The following NRXN3 variants were observed in gnomAD, a reference collection of about 807,000 sequenced individuals.
NRXN3 encodes neurexin 3.
Under a neutral mutation model 137.6 loss-of-function variants are expected in NRXN3, and 32 were observed. That is an observed-to-expected ratio of 0.23 (90% CI 0.18 to 0.31). The LOEUF is 0.31. NRXN3 is among the 10% of genes least tolerant of loss of function. The pLI is 1.00. For synonymous variants in NRXN3, 798 were observed against 784.5 expected, an observed-to-expected ratio of 1.02 and a Z score of -0.29; for missense variants, 1,574 against 2,062.5, an observed-to-expected ratio of 0.76 and a Z score of 4.59.
chr14:78,520,533 A>G (rs2096270564), intron 4 of NRXN3, among the ~76,000 whole-genome samples: 1 of 152,190 alleles, frequency 6.6e-6, no homozygotes, highest in African/African-American at 2.4e-5. Context: ...GAGGACTCAG[A>G]TAAAGTTGGT....
At position 78,642,989 on chromosome 14, in the gene NRXN3, T is replaced by C. The variant is rs75927914; in HGVS notation, c.758-2131T>C. 1.0e-2 allele frequency among the ~76,000 whole-genome samples: 1,518 copies of C among 152,340 alleles called. 29 individuals are homozygous for C. Among genetic ancestry groups the C allele is most frequent in the African/African-American group, 0.035 (1,458 of 41,566 alleles). On this transcript the variant is annotated intron_variant, in intron 4 of 20. Transcript: ENST00000335750. ...ACCAATGTGTGTGCAAGCAGACATA[T>C]GCAGGTAGATACATATGACTGGGCT...
At chr14:78,942,878 A>G (rs575803995) in intron 10 of NRXN3, among the ~76,000 whole-genome samples, 1 of 152,144 alleles carries the variant, frequency 6.6e-6, no homozygotes, top group Non-Finnish European at 1.5e-5. Context: ...GTACCCTGTA[A>G]AAATGTACAA....
At chr14:78,864,539 A>G (rs1043053220) in intron 10 of NRXN3, among the ~76,000 whole-genome samples, 1 of 152,190 alleles carries the variant, frequency 6.6e-6, no homozygotes, top group Non-Finnish European at 1.5e-5. Context: ...TACTCTGGTC[A>G]TTATGAGTAC....
chr14:78,726,515 C>CT (rs71452901), intron 8 of NRXN3, among the ~76,000 whole-genome samples: 5,925 of 102,434 alleles, frequency 0.058, 581 homozygotes, highest in East Asian at 0.31. Context: ...ACCATTTTAG[C>CT]TTTTTTTTTT....
Position 79,772,710 on chromosome 14 carries a change from G to A in NRXN3, c.4015-32402G>A, listed in dbSNP as rs200547592. ...CCTAGGCATTACCATTCAGGACATA[G>A]GCATGGGCAAGGACTTCATGTCTAA... On this transcript the variant is annotated intron_variant, in intron 19 of 20. Coordinates refer to ENST00000335750, the MANE Select transcript of NRXN3 (RefSeq NM_001330195.2). Among the ~76,000 whole-genome samples the A allele has an allele frequency of 2.3e-3, 345 of 152,204 alleles. 4 individuals carry two copies. In the East Asian group the frequency reaches 0.055, roughly 24 times the overall value.
At chr14:78,488,660 G>T (rs2095608210) in intron 4 of NRXN3, among the ~76,000 whole-genome samples, 1 of 151,816 alleles carries the variant, frequency 6.6e-6, no homozygotes, top group Non-Finnish European at 1.5e-5. Context: ...TTTCATGTTT[G>T]TTGGAGGAAA....
At chr14:79,486,656 A>G (rs2096658132) in intron 16 of NRXN3, among the ~76,000 whole-genome samples, 1 of 152,158 alleles carries the variant, frequency 6.6e-6, no homozygotes, top group Admixed American at 6.5e-5. Flanking sequence ...TTACCTACCT[A>G]TGGTTACAGA....
At chr14:78,338,708 C>G (rs1406446658) in intron 4 of NRXN3, among the ~76,000 whole-genome samples, 1 of 152,184 alleles carries the variant, frequency 6.6e-6, no homozygotes, top group African/African-American at 2.4e-5. Flanking sequence ...TTTCGTGATT[C>G]AGTGGGTTGA....
chr14:78,893,356 G>A (rs1436301602), intron 10 of NRXN3, among the ~76,000 whole-genome samples: 1 of 151,916 alleles, frequency 6.6e-6, no homozygotes, highest in African/African-American at 2.4e-5. Context: ...CTTTGGTTCA[G>A]CCAGCTTGTT....
At chr14:78,182,779 T>G (rs1294587339) in intron 1 of NRXN3, among the ~76,000 whole-genome samples, 3 of 152,174 alleles carry the variant, frequency 2.0e-5, no homozygotes, top group African/African-American at 7.2e-5. Flanking sequence ...CCTATCAAAA[T>G]TATCTCACCA....
At chr14:78,834,122 G>A (rs2098989721) in intron 10 of NRXN3, among the ~76,000 whole-genome samples, 2 of 152,236 alleles carry the variant, frequency 1.3e-5, no homozygotes, top group South Asian at 4.1e-4. Flanking sequence ...GGTGGTGGTG[G>A]GAAAAGATGC....
chr14:79,466,415 G>A lies in NRXN3; in HGVS notation c.3263-806G>A, dbSNP rs148140790. 9.0e-3 allele frequency among the ~76,000 whole-genome samples: 1,370 copies of A among 152,110 alleles called. 30 individuals are homozygous for A. The East Asian group carries it at 0.095, about 11-fold the overall frequency. On this transcript the variant is annotated intron_variant, in intron 15 of 20. Transcript: ENST00000335750. ...ATTCTGGCTAACATGGTGAAACTCC[G>A]TCTCTACTAAAAATACAAAAAAATT... is the stretch of plus-strand genomic sequence containing the variant.
intron 15 of NRXN3, among the ~76,000 whole-genome samples, chr14:79,061,334 C>T (rs2152662967): frequency 6.6e-6 from 1 of 152,202 alleles, no homozygotes; most frequent in Non-Finnish European, 1.5e-5. Context: ...CTATCTGATA[C>T]AGAGATCTGA....
chr14:79,210,691 CCTGACTT>C (rs2067517196), intron 15 of NRXN3, among the ~76,000 whole-genome samples: 1 of 152,118 alleles, frequency 6.6e-6, no homozygotes, highest in Non-Finnish European at 1.5e-5. Flanking sequence ...AATAAACGTT[CCTGACTT>C]CTGCATATTT....
intron 16 of NRXN3, among the ~76,000 whole-genome samples, chr14:79,492,155 G>A (rs1257312229): frequency 6.6e-6 from 1 of 152,106 alleles, no homozygotes; most frequent in African/African-American, 2.4e-5. Flanking sequence ...CAACTCTTGA[G>A]TTAGTGGATA....
intron 10 of NRXN3, among the ~76,000 whole-genome samples, chr14:78,933,022 G>A (rs1229174513): frequency 1.3e-5 from 2 of 152,060 alleles, no homozygotes; most frequent in Non-Finnish European, 2.9e-5. Flanking sequence ...GTTGAAATTT[G>A]GCATGAAACA....
intron 15 of NRXN3, among the ~76,000 whole-genome samples, chr14:79,209,064 G>A (rs1246425911): frequency 6.6e-6 from 1 of 151,950 alleles, no homozygotes; most frequent in East Asian, 1.9e-4. Flanking sequence ...TCAGCCTCCC[G>A]AGTAGCTGGG....
chr14:79,395,024 ATTTAGC>A (rs1426700705), intron 15 of NRXN3, among the ~76,000 whole-genome samples: 1 of 152,188 alleles, frequency 6.6e-6, no homozygotes, highest in Non-Finnish European at 1.5e-5. Context: ...TTATCATAGA[ATTTAGC>A]TTTAGCCTCA....
intron 15 of NRXN3, among the ~76,000 whole-genome samples, chr14:79,361,366 G>C (rs1345494168): frequency 6.6e-6 from 1 of 152,072 alleles, no homozygotes; most frequent in African/African-American, 2.4e-5. Flanking sequence ...TGAATACATT[G>C]CTTGTTATAA....
Sources: gnomAD v4.1 joint callset for allele counts (sites outside exome capture counted in the v4.1 genomes callset) on GRCh38, gnomAD v4.1.1 for gene constraint, MANE v1.5 for transcripts, NCBI Gene and HGNC (gene_info 2026-07-23, HGNC 2026-07-21) for gene names.